Variants in SKA2 observed in about 807,000 individuals in gnomAD.
The protein encoded by SKA2 is spindle and kinetochore associated complex subunit 2, also known as spindle and kinetochore-associated protein 2.
In SKA2, 13 loss-of-function variants were observed where a neutral mutation model predicts 16.9. That is an observed-to-expected ratio of 0.77 (90% confidence interval 0.50 to 1.22). The LOEUF is 1.22. Ranked by LOEUF, SKA2 falls within the 50% of genes most tolerant of loss-of-function variation. The pLI, the probability that SKA2 is intolerant of heterozygous loss-of-function variation, is 0.00. For missense variants in SKA2, 107 were observed against 139.7 expected, an observed-to-expected ratio of 0.77 and a Z score of 1.18; for synonymous variants, 47 against 48.5, an observed-to-expected ratio of 0.97 and a Z score of 0.13.
intron 1 of SKA2, among the ~76,000 whole-genome samples, chr17:59,143,643 G>T (rs1229139612): frequency 1.3e-5 from 2 of 152,000 alleles, no homozygotes; most frequent in African/African-American, 2.4e-5. Context: ...AAAAGTGCTG[G>T]GAATACAGGC....
At chr17:59,132,999 A>G (rs1050832447) in intron 1 of SKA2, among the ~76,000 whole-genome samples, 48 of 152,326 alleles carry the variant, frequency 3.2e-4, no homozygotes, top group African/African-American at 1.2e-3. Flanking sequence ...TTTTTATGAG[A>G]CAGGGTCTTG....
chr17:59,145,562 A>G (rs982660733), intron 1 of SKA2, among the ~76,000 whole-genome samples: 1 of 151,808 alleles, frequency 6.6e-6, no homozygotes, highest in Non-Finnish European at 1.5e-5. Flanking sequence ...TCTAGTATCT[A>G]TTTTTCCCAT....
At chr17:59,140,122 C>T (rs1489869094) in intron 1 of SKA2, among the ~76,000 whole-genome samples, 1 of 152,136 alleles carries the variant, frequency 6.6e-6, no homozygotes, top group African/African-American at 2.4e-5. Flanking sequence ...AACAGATAAG[C>T]AGTAACATGC....
At chr17:59,129,358 T>TACACACACACACACACAC (rs57908900) in intron 2 of SKA2, 8 of 136,758 alleles carry the variant, frequency 5.8e-5, no homozygotes, top group Non-Finnish European at 7.7e-5. Context: ...TAAACACACA[T>TACACACACACACACACAC]ACACACACAC....
chr17:59,137,803 T>G (rs555225543), intron 1 of SKA2: 1 of 532,200 alleles, frequency 1.9e-6, no homozygotes, highest in Non-Finnish European at 3.9e-6. Context: ...TAAGCAATAT[T>G]GCACTACTCA....
intron 3 of SKA2, 101 bp from the exon 4 acceptor site, chr17:59,112,446 C>T (rs1487984581): frequency 1.2e-6 from 1 of 830,632 alleles, no homozygotes; most frequent in African/African-American, 1.7e-5. Flanking sequence ...TTTCCCTAAG[C>T]TTATACTATG....
At chr17:59,143,506 C>T (rs1248755007) in intron 1 of SKA2, among the ~76,000 whole-genome samples, 4 of 152,112 alleles carry the variant, frequency 2.6e-5, no homozygotes, top group African/African-American at 7.2e-5. Flanking sequence ...CTCAGCCTCT[C>T]GAGTAGCTGG....
At chr17:59,118,569 T>C (rs1431542142) in intron 3 of SKA2, among the ~76,000 whole-genome samples, 2 of 150,720 alleles carry the variant, frequency 1.3e-5, no homozygotes, top group Admixed American at 1.3e-4. Flanking sequence ...TGAGATGATT[T>C]ATAAAAGCTT....
At chr17:59,127,065 A>T (rs2147802898) in intron 2 of SKA2, among the ~76,000 whole-genome samples, 1 of 152,332 alleles carries the variant, frequency 6.6e-6, no homozygotes, top group East Asian at 1.9e-4. Flanking sequence ...AGTCAAATTG[A>T]TAGAGACAGA....
At chr17:59,144,168 G>T (rs1049062221) in intron 1 of SKA2, among the ~76,000 whole-genome samples, 1 of 151,740 alleles carries the variant, frequency 6.6e-6, no homozygotes, top group Non-Finnish European at 1.5e-5. Context: ...ACTCCAGCCT[G>T]ATGACAGAGC....
rs1437652645 is a variant in SKA2 at position 59,111,244 on chromosome 17, CAT to C, written c.*1031_*1032del. 6.6e-6 allele frequency: 1 copy of C among 152,174 alleles called. No individual in the cohort carries two copies. The highest frequency in any genetic ancestry group is 2.4e-5 in the African/African-American group (1 of 41,436). The allele number at this position is 152,174 out of a possible 1,614,324, so 9.4% of individuals were successfully genotyped here. A position where few individuals can be genotyped will look rare whatever the true frequency, so the allele number is the denominator to read the frequency against. On this transcript the variant is annotated 3_prime_UTR_variant, in exon 4 of 4. Transcript: ENST00000330137. ...CCTGCTTTCCCTCTCCCCCACTTAGCATAGTTTCAGCATTTCCCAGAACATTA... is the reference window on the plus strand; with the variant it reads ...CCTGCTTTCCCTCTCCCCCACTTAGCAGTTTCAGCATTTCCCAGAACATTA...
intron 2 of SKA2, among the ~76,000 whole-genome samples, chr17:59,126,214 A>AT (rs2046371877): frequency 6.6e-6 from 1 of 151,980 alleles, no homozygotes; most frequent in Non-Finnish European, 1.5e-5. Flanking sequence ...AAATAAATAA[A>AT]ATTATGTTTC....
intron 1 of SKA2, among the ~76,000 whole-genome samples, chr17:59,154,606 T>G (rs1367712473): frequency 1.3e-5 from 2 of 152,190 alleles, no homozygotes; most frequent in Non-Finnish European, 2.9e-5. Context: ...CCTTGGCCGT[T>G]AGGAAGTTGT....
At chr17:59,124,677 C>A (rs1475510702) in intron 2 of SKA2, among the ~76,000 whole-genome samples, 1 of 152,046 alleles carries the variant, frequency 6.6e-6, no homozygotes, top group African/African-American at 2.4e-5. Context: ...CCTTGAGGAT[C>A]TCACAAAACT....
At chr17:59,124,971 A>C (rs886557069) in intron 2 of SKA2, among the ~76,000 whole-genome samples, 2 of 138,086 alleles carry the variant, frequency 1.4e-5, no homozygotes, top group Non-Finnish European at 3.2e-5. Flanking sequence ...GAACCACTAC[A>C]TTCTTTTTTT....
At chr17:59,142,955 A>C (rs960526637) in intron 1 of SKA2, among the ~76,000 whole-genome samples, 1 of 148,474 alleles carries the variant, frequency 6.7e-6, no homozygotes, top group Non-Finnish European at 1.5e-5. Context: ...AAAAAGAGAG[A>C]GAGACAGTGT....
chr17:59,115,301 A>G (rs2046289120), intron 3 of SKA2, among the ~76,000 whole-genome samples: 3 of 151,764 alleles, frequency 2.0e-5, no homozygotes, highest in Non-Finnish European at 4.4e-5. Flanking sequence ...CAGGTGATCC[A>G]CCTGTCTCGG....
intron 2 of SKA2, among the ~76,000 whole-genome samples, chr17:59,127,447 G>C (rs1271248108): frequency 6.6e-6 from 1 of 152,056 alleles, no homozygotes; most frequent in Non-Finnish European, 1.5e-5. Flanking sequence ...GGAGTTCAAT[G>C]GCGCAATCTG....
chr17:59,144,321 A>G (rs1011392878), intron 1 of SKA2, among the ~76,000 whole-genome samples: 3 of 152,140 alleles, frequency 2.0e-5, no homozygotes, highest in African/African-American at 7.2e-5. Flanking sequence ...GGAAATGTAA[A>G]ATGGTATAGC....
Sources: allele counts gnomAD v4.1 joint callset (sites outside exome capture counted in the v4.1 genomes callset), GRCh38; gene constraint gnomAD v4.1.1; transcripts MANE v1.5; gene names NCBI Gene and HGNC (gene_info 2026-07-23, HGNC 2026-07-21).